NPAS3: variants seen among roughly 807,000 people sequenced by gnomAD.
The protein encoded by NPAS3 is neuronal PAS domain protein 3.
A neutral mutation model predicts 73.1 loss-of-function variants in NPAS3; 14 were observed. The ratio of observed to expected loss-of-function variants is 0.19; its 90% CI spans 0.13 to 0.30. The LOEUF is 0.30. Ranked by LOEUF, NPAS3 falls within the 10% of genes least tolerant of loss-of-function variation. The pLI is 1.00. For synonymous variants in NPAS3, 620 were observed against 541.5 expected, an observed-to-expected ratio of 1.14 and a Z score of -2.01; for missense variants, 1,096 against 1,250.0, an observed-to-expected ratio of 0.88 and a Z score of 1.86.
chr14:33,578,377 T>A (rs2056532017), intron 5 of NPAS3: 35 of 364,614 alleles, frequency 9.6e-5, no homozygotes, highest in South Asian at 7.3e-4. Context: ...GTATTTTTAG[T>A]AGAGACGGGT....
At chr14:33,068,927 C>T (rs57341936) in intron 2 of NPAS3, among the ~76,000 whole-genome samples, 9,547 of 152,072 alleles carry the variant, frequency 0.063, 955 homozygotes, top group African/African-American at 0.22. Context: ...GTCAGGGAGG[C>T]AACAGCACAC....
At chr14:33,159,445 T>A (rs1046325087) in intron 2 of NPAS3, among the ~76,000 whole-genome samples, 2 of 152,190 alleles carry the variant, frequency 1.3e-5, no homozygotes, top group Non-Finnish European at 2.9e-5. Flanking sequence ...CAACTTCAGA[T>A]TTCTTTTGTC....
chr14:33,055,794 C>CGGTGGTGG, intron 1 of NPAS3, 111 bp from the exon 2 acceptor site: 7 of 654,208 alleles, frequency 1.1e-5, no homozygotes, highest in Admixed American at 4.6e-5. Context: ...GTGTAGAGCT[C>CGGTGGTGG]AAAAGCGTAA....
intron 1 of NPAS3, among the ~76,000 whole-genome samples, chr14:33,030,072 A>C (rs914041546): frequency 1.3e-5 from 2 of 152,232 alleles, no homozygotes; most frequent in African/African-American, 4.8e-5. Context: ...AGCTTTAAAA[A>C]TATGCATATT....
chr14:33,498,935 A>T (rs12880145), intron 4 of NPAS3, among the ~76,000 whole-genome samples: 6,624 of 94,784 alleles, frequency 0.07, 274 homozygotes, highest in East Asian at 0.19. Flanking sequence ...ACAGAGAGAG[A>T]GTGTGTGTGT....
At position 33,161,588 on chromosome 14, in the gene NPAS3, G is replaced by A. The variant is rs987395919; in HGVS notation, c.141-53594G>A. Among the ~76,000 whole-genome samples the A allele has an allele frequency of 4.6e-5, 7 of 152,300 alleles. No homozygotes were observed. The East Asian group carries it at 1.2e-3, about 25-fold the overall frequency. On this transcript the variant is annotated intron_variant, in intron 2 of 11. Transcript: ENST00000356141. ...GGTTTATGTTTCAAATACTGGTTCT[G>A]TAGTCTTAAAGGAGTATATTTATTT...
At chr14:33,676,525 A>C (rs1449247860) in intron 6 of NPAS3, 140 bp downstream of exon 6, 1 of 554,232 alleles carries the variant, frequency 1.8e-6, no homozygotes, top group Non-Finnish European at 2.9e-6. Flanking sequence ...CCCATGCAGT[A>C]ATTAAATAAG....
At chr14:33,275,070 G>A (rs943824490) in intron 3 of NPAS3, among the ~76,000 whole-genome samples, 6 of 152,142 alleles carry the variant, frequency 3.9e-5, no homozygotes, top group Non-Finnish European at 8.8e-5. Flanking sequence ...GAGAAAACAT[G>A]CTTCTCTTTA....
intron 2 of NPAS3, among the ~76,000 whole-genome samples, chr14:33,093,409 C>T (rs1182064185): frequency 6.6e-6 from 1 of 152,140 alleles, no homozygotes; most frequent in Non-Finnish European, 1.5e-5. Context: ...CAAATCAAAA[C>T]CACAATGAGA....
chr14:33,056,141 C>A, intron 2 of NPAS3, 147 bp downstream of exon 2: 1 of 536,422 alleles, frequency 1.9e-6, no homozygotes. Context: ...AACCAACAAA[C>A]CAAACCAAAT....
intron 5 of NPAS3, among the ~76,000 whole-genome samples, chr14:33,651,802 T>G (rs1466077772): frequency 6.6e-6 from 1 of 152,216 alleles, no homozygotes; most frequent in Admixed American, 6.5e-5. Flanking sequence ...CTTTTAATTT[T>G]GGAGTAGGCC....
At chr14:33,258,955 A>G (rs1237983221) in intron 3 of NPAS3, among the ~76,000 whole-genome samples, 4 of 152,170 alleles carry the variant, frequency 2.6e-5, no homozygotes, top group Non-Finnish European at 4.4e-5. Flanking sequence ...CTGGGACTAC[A>G]GGCGCCCGCC....
intron 5 of NPAS3, among the ~76,000 whole-genome samples, chr14:33,644,079 CTT>C (rs770472473): frequency 2.0e-5 from 3 of 152,146 alleles, no homozygotes. Flanking sequence ...GTGTGGCTTT[CTT>C]GTGTCACTCG....
At chr14:33,648,925 A>C (rs878989) in intron 5 of NPAS3, among the ~76,000 whole-genome samples, 106,748 of 152,114 alleles carry the variant, frequency 0.7, 38,816 homozygotes, top group African/African-American at 0.91. Flanking sequence ...AGAATTCTAG[A>C]TGAACAGCAG....
chr14:33,355,302 C>A (rs1466597221), intron 3 of NPAS3, among the ~76,000 whole-genome samples: 1 of 152,086 alleles, frequency 6.6e-6, no homozygotes, highest in Admixed American at 6.5e-5. Flanking sequence ...TCCAAGTAAA[C>A]CGTTGCTCTT....
chr14:33,537,727 G>T (rs978437802), intron 4 of NPAS3, among the ~76,000 whole-genome samples: 1 of 152,202 alleles, frequency 6.6e-6, no homozygotes, highest in Non-Finnish European at 1.5e-5. Context: ...AACCACTGGT[G>T]CTGGGAGAGT....
At chr14:33,577,385 T>C (rs1204286889) in intron 5 of NPAS3, among the ~76,000 whole-genome samples, 1 of 152,202 alleles carries the variant, frequency 6.6e-6, no homozygotes, top group African/African-American at 2.4e-5. Flanking sequence ...ATTTTTCACG[T>C]TTGTTTTATC....
intron 4 of NPAS3, among the ~76,000 whole-genome samples, chr14:33,459,621 G>A (rs2050168435): frequency 6.6e-6 from 1 of 152,174 alleles, no homozygotes; most frequent in Non-Finnish European, 1.5e-5. Context: ...ATCTCATGGT[G>A]TTGCTAGTAA....
chr14:33,276,380 T>C (rs1441619347), intron 3 of NPAS3, among the ~76,000 whole-genome samples: 3 of 152,062 alleles, frequency 2.0e-5, no homozygotes, highest in Non-Finnish European at 2.9e-5. Flanking sequence ...TATCTGAAAT[T>C]GGTAACCTTC....
Sources: allele counts gnomAD v4.1 joint callset (sites outside exome capture counted in the v4.1 genomes callset), GRCh38; gene constraint gnomAD v4.1.1; transcripts MANE v1.5; gene names NCBI Gene and HGNC (gene_info 2026-07-23, HGNC 2026-07-21).